Variants in TRIM5 observed in about 807,000 individuals in gnomAD.
TRIM5 encodes the protein tripartite motif containing 5, also known as tripartite motif-containing protein 5.
Under a neutral mutation model 35.6 loss-of-function variants are expected in TRIM5, and 31 were observed. The ratio of observed to expected loss-of-function variants is 0.87; its 90% CI spans 0.65 to 1.18. The LOEUF is 1.18. TRIM5 is among the 50% of genes most tolerant of loss of function. TRIM5 has a pLI of 0.00. For missense variants in TRIM5, 609 were observed against 591.6 expected (o/e 1.03, Z -0.31); for synonymous variants, 243 against 215.6 (o/e 1.13, Z -1.11).
At chr11:5,608,250 G>T in the TRIM5 span, 2 of 1,426,924 alleles carry the variant, frequency 1.4e-6, no homozygotes, top group Admixed American at 2.3e-5. Flanking sequence ...TCTACTTTGT[G>T]GCCTCCACAT....
chr11:5,639,371 CTA>C, the TRIM5 span, among the ~76,000 whole-genome samples: 1 of 151,992 alleles, frequency 6.6e-6, no homozygotes, highest in African/African-American at 2.4e-5. Flanking sequence ...AAAACAGCAC[CTA>C]TGTGTGAGCT....
chr11:5,676,763 C>T (rs1357017254), intron 4 of TRIM5, among the ~76,000 whole-genome samples: 3 of 149,996 alleles, frequency 2.0e-5, no homozygotes, highest in Non-Finnish European at 4.4e-5. Context: ...AGATATAGAT[C>T]AATGGAACAG....
chr11:5,666,318 C>A, intron 5 of TRIM5: 3 of 569,246 alleles, frequency 5.3e-6, no homozygotes, highest in Admixed American at 2.7e-5. Flanking sequence ...AGCACAGTTT[C>A]TTCCTTCTAA....
chr11:5,682,775 C>T (rs183347880), intron 1 of TRIM5, among the ~76,000 whole-genome samples: 1 of 152,362 alleles, frequency 6.6e-6, no homozygotes, highest in African/African-American at 2.4e-5. Flanking sequence ...TGAGAGGTGA[C>T]AGCATGCTGG....
At chr11:5,610,841 A>C in the TRIM5 span, 4 of 1,614,200 alleles carry the variant, frequency 2.5e-6, no homozygotes, top group South Asian at 3.3e-5. Flanking sequence ...ACCGGAGACA[A>C]GTGAGGTTTG....
the TRIM5 span, chr11:5,634,529 ACATAT>A: frequency 3.5e-6 from 2 of 579,616 alleles, no homozygotes; most frequent in Non-Finnish European, 5.1e-6. Flanking sequence ...ACACACACAC[ACATAT>A]ATATATATAT....
chr11:5,636,178 T>TATCC, the TRIM5 span, among the ~76,000 whole-genome samples: 1 of 152,254 alleles, frequency 6.6e-6, no homozygotes, highest in East Asian at 1.9e-4. Context: ...CCAAACAATG[T>TATCC]AATATTGTTT....
chr11:5,657,629 T>TTA, the TRIM5 span, among the ~76,000 whole-genome samples: 1 of 100,388 alleles, frequency 1.0e-5, no homozygotes, highest in East Asian at 6.3e-4. Context: ...ATATAATGCA[T>TTA]TATATATATT....
intron 5 of TRIM5, among the ~76,000 whole-genome samples, chr11:5,667,337 G>A (rs1352872962): frequency 2.0e-5 from 3 of 150,416 alleles, no homozygotes; most frequent in African/African-American, 7.3e-5. Flanking sequence ...CTCCCGAATA[G>A]CTGGGATTAC....
rs749507896 is a variant in TRIM5 at position 5,678,210 on chromosome 11, C to G, written c.738G>C (p.Leu246=). 2.5e-6 allele frequency: 4 copies of G among 1,605,362 alleles called. No individual in the cohort carries two copies. The highest frequency in any genetic ancestry group is 3.4e-6 in the Non-Finnish European group (4 of 1,173,980). The part of the protein sequence containing the change: ...EHRLQGSVME[L]LQGVDGVIKR... ...GCTTCTTTCCACTTTTTACCTGAAG[C>G]AGCTCCATCACTGACCCCTGCAGCC... The change falls in exon 4 of 8, where the codon CTG becomes CTC. Residue 246 remains leucine (L), a synonymous_variant. Transcript: ENST00000380034.
At chr11:5,672,321 C>T (rs562516534) in intron 4 of TRIM5, among the ~76,000 whole-genome samples, 2 of 152,160 alleles carry the variant, frequency 1.3e-5, no homozygotes, top group South Asian at 4.2e-4. Context: ...AAGCGAGTCT[C>T]CTGCCTCAGT....
the TRIM5 span, among the ~76,000 whole-genome samples, chr11:5,657,675 A>AT: frequency 2.5e-4 from 30 of 118,988 alleles, 1 homozygote; most frequent in African/African-American, 9.7e-4. Context: ...TTTATAATAT[A>AT]ATATATATAT....
At chr11:5,622,368 C>A in the TRIM5 span, among the ~76,000 whole-genome samples, 187 of 151,964 alleles carry the variant, frequency 1.2e-3, 3 homozygotes, top group South Asian at 0.035. Context: ...TGGCGTGAAC[C>A]CGGCAGGCGG....
the TRIM5 span, among the ~76,000 whole-genome samples, chr11:5,603,002 C>A: frequency 6.6e-6 from 1 of 152,048 alleles, no homozygotes; most frequent in Non-Finnish European, 1.5e-5. Context: ...TCACACAGGC[C>A]CCTCCTTTCC....
intron 1 of TRIM5, among the ~76,000 whole-genome samples, chr11:5,683,526 C>G (rs868784814): frequency 1.3e-5 from 2 of 149,218 alleles, no homozygotes; most frequent in African/African-American, 2.5e-5. Context: ...TTATGTCTAG[C>G]GAAGGGATTG....
At chr11:5,674,592 G>A (rs559344683) in intron 4 of TRIM5, among the ~76,000 whole-genome samples, 24 of 152,318 alleles carry the variant, frequency 1.6e-4, no homozygotes, top group Admixed American at 3.3e-4. Flanking sequence ...CTCCAGACTG[G>A]TATCTATGGA....
intron 4 of TRIM5, among the ~76,000 whole-genome samples, chr11:5,673,098 G>A (rs1158767767): frequency 6.6e-6 from 1 of 152,108 alleles, no homozygotes; most frequent in Non-Finnish European, 1.5e-5. Flanking sequence ...TGCATTAAAT[G>A]TTATAATGAA....
At chr11:5,622,646 AC>A in the TRIM5 span, among the ~76,000 whole-genome samples, 1 of 147,520 alleles carries the variant, frequency 6.8e-6, no homozygotes, top group Non-Finnish European at 1.5e-5. Context: ...AATAAAAAAA[AC>A]CGGAAAAAAC....
intron 4 of TRIM5, among the ~76,000 whole-genome samples, chr11:5,670,798 G>C (rs1415787050): frequency 1.5e-5 from 2 of 135,678 alleles, no homozygotes; most frequent in African/African-American, 6.1e-5. Context: ...GACAAAGCTA[G>C]GATCCTACAC....
Sources: allele counts gnomAD v4.1 joint callset (sites outside exome capture counted in the v4.1 genomes callset), GRCh38; gene constraint gnomAD v4.1.1; transcripts MANE v1.5; gene names NCBI Gene and HGNC (gene_info 2026-07-23, HGNC 2026-07-21).